The following NID2 variants were observed in gnomAD, a reference collection of about 807,000 sequenced individuals.
The protein encoded by NID2 is nidogen 2.
Under a neutral mutation model 145.4 loss-of-function variants are expected in NID2, and 83 were observed. That is an observed-to-expected ratio of 0.57 (90% CI 0.48 to 0.69). NID2 has a LOEUF of 0.69. Among genes scored for constraint, NID2 ranks in the 30% least tolerant of loss-of-function variants. NID2 has a pLI of 0.00. For missense variants in NID2, 1,807 were observed against 1,765.7 expected (o/e 1.02, Z -0.42); for synonymous variants, 739 against 701.3 (o/e 1.05, Z -0.85).
Position 52,054,363 on chromosome 14 carries a change from A to C in NID2, c.768-42T>G, listed in dbSNP as rs145587218. 8.1e-4 allele frequency: 1,270 copies of C among 1,569,684 alleles called. 8 individuals carry two copies. The highest frequency in any genetic ancestry group is 4.8e-3 in the African/African-American group (357 of 73,612). ...CAGTCATTGTAACAAATGTAACAAA[A>C]GTGTCCATTCACCCACCTTCCTAGA... On this transcript the variant is annotated intron_variant, in intron 3 of 21. Transcript: ENST00000216286.
intron 9 of NID2, among the ~76,000 whole-genome samples, chr14:52,032,508 C>A (rs1891903607): frequency 6.6e-6 from 1 of 152,108 alleles, no homozygotes; most frequent in Non-Finnish European, 1.5e-5. Context: ...CTGAGTCAGT[C>A]CTCAATAGGT....
rs1892309065 is a variant in NID2 at position 52,042,241 on chromosome 14, G to C, written c.1689C>G (p.Gly563=). ...TGTGGCTGATGGCCGTGTAGGCTCT[G>C]CCATCATTGCCCACGATATACGCAT... ...DLHAYIVGND[G]RAYTAISHIP... Residue 563 remains glycine, a synonymous_variant, in exon 7 of 22, where the codon GGC becomes GGG. Transcript: ENST00000216286. The C allele has an allele frequency of 2.5e-6, 4 of 1,614,246 alleles. No homozygotes were observed. The East Asian group carries it at 8.9e-5, about 36-fold the overall frequency.
chr14:52,030,509 AAG>A (rs1491038977), intron 9 of NID2, among the ~76,000 whole-genome samples: 1 of 84,748 alleles, frequency 1.2e-5, no homozygotes, highest in African/African-American at 4.4e-5. Context: ...AAGAGAAAGA[AAG>A]AAAGAAAAGA....
rs1401292848 is a variant in NID2, at chr14:52,067,932, G to C, written c.460C>G (p.His154Asp). The C allele has an allele frequency of 6.2e-7, 1 of 1,612,448 alleles. No homozygotes were observed. The highest frequency in any genetic ancestry group is 8.5e-7 in the Non-Finnish European group (1 of 1,179,646). ...TGCTCCCAGGTGGCCAGGAAGGCGT[G>C]GGTGGGGGTAAAGCGCGCAGAGCGC... The part of the protein sequence containing the change: ...FPRSARFTPT[H>D]AFLATWEQVG... Residue 154 changes from histidine (H) to aspartate (D), a missense_variant, in exon 2 of 22, where the codon CAC (histidine) becomes GAC (aspartate). By Grantham distance (81) the His-to-Asp change is moderately conservative. Transcript: ENST00000216286.
intron 16 of NID2, among the ~76,000 whole-genome samples, chr14:52,012,923 GC>G (rs947949497): frequency 6.6e-6 from 1 of 152,096 alleles, no homozygotes; most frequent in African/African-American, 2.4e-5. Context: ...CTTCACTTAC[GC>G]CCCCTGGGAG....
chr14:52,060,363 GGA>G lies in NID2; in HGVS notation c.535-9_535-8del. 7.8e-6 allele frequency: 8 copies of G among 1,032,074 alleles called. No individual in the cohort carries two copies. Among genetic ancestry groups the G allele is most frequent in the East Asian group, 3.5e-5 (1 of 28,318 alleles). The allele number at this position is 1,032,074 out of a possible 1,614,324, so 63.9% of individuals were successfully genotyped here. A position where few individuals can be genotyped will look rare whatever the true frequency, so the allele number is the denominator to read the frequency against. The stretch of plus-strand genomic sequence containing the variant: ...CTGCCTGGAAAGTGTTCAGCTGTGA[GGA>G]AAAAAAAAAAAAAAGAGAGAGAGAG... On this transcript the variant is annotated splice_region_variant and splice_polypyrimidine_tract_variant and intron_variant, in intron 2 of 21. Transcript: ENST00000216286.
intron 20 of NID2, 21 bp downstream of exon 20, chr14:52,006,516 T>C (rs367591297): frequency 6.8e-6 from 11 of 1,612,876 alleles, no homozygotes; most frequent in Middle Eastern, 3.3e-4. Flanking sequence ...TTCAGGCTTG[T>C]CCAGAATTTG....
intron 5 of NID2, among the ~76,000 whole-genome samples, chr14:52,045,089 G>T (rs77296321): frequency 6.6e-6 from 1 of 152,150 alleles, no homozygotes. Context: ...ATCCAAGTAC[G>T]GAGATCATGA....
chr14:52,064,313 T>C (rs2140436198), intron 2 of NID2, among the ~76,000 whole-genome samples: 1 of 152,350 alleles, frequency 6.6e-6, no homozygotes, highest in South Asian at 2.1e-4. Context: ...AGGAATTTAC[T>C]TCTTACAATT....
chr14:52,061,406 AC>A (rs1268317810), intron 2 of NID2, among the ~76,000 whole-genome samples: 1 of 152,212 alleles, frequency 6.6e-6, no homozygotes, highest in Admixed American at 6.5e-5. Context: ...CCAAGTGTCT[AC>A]TTAAGCACCA....
At position 52,005,288 on chromosome 14, in the gene NID2, C is replaced by T. The variant is rs1199084631; in HGVS notation, c.*198G>A. 2.4e-6 allele frequency: 1 copy of T among 422,986 alleles called. No individual in the cohort carries two copies. Among genetic ancestry groups the T allele is most frequent in the Non-Finnish European group, 4.1e-6 (1 of 244,506 alleles). 26.2% of individuals were successfully genotyped at this position (422,986 alleles called of 1,614,324 possible). Reference sequence around the variant, plus strand: ...TTTTTAAACTTGCAATAACAACCTTCATTTTTAAAAATACAGTAGTAAAGA... The same window carrying T: ...TTTTTAAACTTGCAATAACAACCTTTATTTTTAAAAATACAGTAGTAAAGA... On this transcript the variant is annotated 3_prime_UTR_variant, in exon 22 of 22. Transcript: ENST00000216286.
intron 12 of NID2, among the ~76,000 whole-genome samples, chr14:52,025,194 T>C (rs566492228): frequency 3.9e-5 from 6 of 152,208 alleles, no homozygotes; most frequent in Non-Finnish European, 7.3e-5. Flanking sequence ...ATTCCCACTG[T>C]CAGGCTTTGG....
chr14:52,032,972 T>C (rs1233430390), intron 9 of NID2, among the ~76,000 whole-genome samples: 2 of 152,104 alleles, frequency 1.3e-5, no homozygotes, highest in African/African-American at 2.4e-5. Context: ...AAAATGAAAA[T>C]GTGGAGCCCA....
At chr14:52,051,460 AC>A (rs1217972632) in intron 5 of NID2, among the ~76,000 whole-genome samples, 1 of 152,172 alleles carries the variant, frequency 6.6e-6, no homozygotes, top group East Asian at 1.9e-4. Flanking sequence ...TCCAACCAGC[AC>A]CAAAACCATG....
At chr14:52,005,663 G>A (rs1890745612) in intron 21 of NID2, 74 bp downstream of exon 21, 2 of 1,393,376 alleles carry the variant, frequency 1.4e-6, no homozygotes, top group Admixed American at 3.4e-5. Flanking sequence ...CAGGCAGCAG[G>A]GGTAATCAAA....
intron 12 of NID2, 193 bp from the exon 13 acceptor site, chr14:52,020,371 AG>A (rs1891359448): frequency 7.2e-6 from 6 of 830,440 alleles, no homozygotes; most frequent in Non-Finnish European, 1.0e-5. Context: ...AAAAAAATCA[AG>A]GAACATGTGA....
rs941351875 is a variant in NID2, at chr14:52,060,473, C to T, written c.535-117G>A. 49 of 507,788 alleles carry T rather than the reference C, an allele frequency of 9.6e-5. No individual in the cohort carries two copies. The East Asian group carries it at 1.4e-3, about 15-fold the overall frequency. 31.5% of individuals were successfully genotyped at this position (507,788 alleles called of 1,614,324 possible). ...AGCATCATAACGTGCAAAGAACTTC[C>T]CCTTTTTCAGGATTCCTCCAAATTG... is the stretch of plus-strand genomic sequence containing the variant. On this transcript the variant is annotated intron_variant, in intron 2 of 21. Coordinates refer to ENST00000216286, the MANE Select transcript of NID2 (RefSeq NM_007361.4).
At chr14:52,025,414 A>G (rs1891556471) in intron 12 of NID2, among the ~76,000 whole-genome samples, 1 of 152,246 alleles carries the variant, frequency 6.6e-6, no homozygotes, top group Non-Finnish European at 1.5e-5. Context: ...CAAGAGGTCC[A>G]TAGTCTTCTT....
chr14:52,053,095 A>G (rs1259585622), intron 5 of NID2, among the ~76,000 whole-genome samples: 1 of 152,204 alleles, frequency 6.6e-6, no homozygotes, highest in Non-Finnish European at 1.5e-5. Flanking sequence ...TCTCCCACAC[A>G]TCACAAGCAT....
Sources: allele counts gnomAD v4.1 joint callset (sites outside exome capture counted in the v4.1 genomes callset), GRCh38; gene constraint gnomAD v4.1.1; transcripts MANE v1.5; gene names NCBI Gene and HGNC (gene_info 2026-07-23, HGNC 2026-07-21).